EGF: variants seen among roughly 807,000 people sequenced by gnomAD.
EGF encodes epidermal growth factor.
In EGF, 95 loss-of-function variants were observed where a neutral mutation model predicts 143.8. The observed-to-expected ratio is 0.66, with a 90% CI of 0.56 to 0.78. The LOEUF (loss-of-function observed/expected upper bound fraction) is 0.78. EGF is among the 30% of genes least tolerant of loss of function. EGF has a pLI of 0.00. For synonymous variants in EGF, 510 were observed against 510.5 expected (o/e 1.00, Z 0.01); for missense variants, 1,320 against 1,470.9 (o/e 0.90, Z 1.68).
chr4:109,993,470 T>C, intron 19 of EGF, 101 bp downstream of exon 19: 1 of 1,540,802 alleles, frequency 6.5e-7, no homozygotes, highest in Non-Finnish European at 8.9e-7. Flanking sequence ...AATCATTCAG[T>C]TCAGGCAGGC....
At chr4:109,998,842 A>C (rs1180411829) in intron 20 of EGF, among the ~76,000 whole-genome samples, 3 of 152,252 alleles carry the variant, frequency 2.0e-5, no homozygotes, top group Non-Finnish European at 4.4e-5. Context: ...AATTTTTAAT[A>C]AGTGGGCATT....
rs1169903663 is a variant in EGF, at chr4:109,988,714, G to C, written c.2734+5G>C. ...GAGATGGGATTCACTGTCTTGGTAA[G>C]AGGACACATGTGCTGGGGAGGAGGG... is the stretch of plus-strand genomic sequence containing the variant. On this transcript the variant is annotated splice_donor_5th_base_variant and intron_variant, in intron 18 of 23. Coordinates refer to ENST00000265171, the MANE Select transcript of EGF (RefSeq NM_001963.6). 1.2e-6 allele frequency: 2 copies of C among 1,613,850 alleles called. No individual in the cohort carries two copies. The highest frequency in any genetic ancestry group is 1.7e-6 in the Non-Finnish European group (2 of 1,179,824).
At chr4:109,950,592 G>A (rs1423474450) in intron 5 of EGF, among the ~76,000 whole-genome samples, 1 of 152,112 alleles carries the variant, frequency 6.6e-6, no homozygotes, top group African/African-American at 2.4e-5. Context: ...GGCTCACCAA[G>A]GCTTCTGCTC....
rs4698756 is a variant in EGF, at chr4:109,945,286, G to T, written c.940+11G>T. 1 of 1,611,026 alleles carries T rather than the reference G, an allele frequency of 6.2e-7. No individual in the cohort carries two copies. The highest frequency in any genetic ancestry group is 8.5e-7 in the Non-Finnish European group (1 of 1,178,266). ...ACACTTGGGAGCCTGGTGAGTCATC[G>T]TTGACCTTGCGCAGGGCCTGACACA... On this transcript the variant is annotated intron_variant, in intron 5 of 23. Coordinates refer to ENST00000265171, the MANE Select transcript of EGF (RefSeq NM_001963.6).
At chr4:109,994,465 A>C (rs1325933127) in intron 19 of EGF, among the ~76,000 whole-genome samples, 5 of 152,216 alleles carry the variant, frequency 3.3e-5, no homozygotes, top group Non-Finnish European at 7.4e-5. Context: ...CTCTGAATTC[A>C]CATGGCGACT....
At chr4:109,969,257 T>G (rs1052781722) in intron 11 of EGF, 138 bp downstream of exon 11, 2 of 1,111,436 alleles carry the variant, frequency 1.8e-6, no homozygotes, top group East Asian at 2.5e-5. Context: ...GAGGCCACCA[T>G]TGCGGTCCAC....
At chr4:109,979,393 G>GTGAC (rs2126113077) in intron 13 of EGF, among the ~76,000 whole-genome samples, 1 of 152,128 alleles carries the variant, frequency 6.6e-6, no homozygotes, top group African/African-American at 2.4e-5. Flanking sequence ...GGCAGGAAGG[G>GTGAC]TGACATCAGG....
intron 6 of EGF, 94 bp from the exon 7 acceptor site, chr4:109,960,773 T>C: frequency 3.7e-6 from 5 of 1,338,586 alleles, no homozygotes; most frequent in Non-Finnish European, 5.3e-6. Context: ...TATACAAGTG[T>C]GAGATACCCT....
intron 1 of EGF, among the ~76,000 whole-genome samples, chr4:109,927,805 CCGTG>C (rs1461980756): frequency 7.4e-5 from 6 of 80,652 alleles, no homozygotes; most frequent in Admixed American, 2.6e-4. Context: ...CTGAATTTTG[CCGTG>C]TGTGTGTGTG....
At chr4:109,935,578 T>A (rs1315547144) in intron 1 of EGF, among the ~76,000 whole-genome samples, 1 of 152,180 alleles carries the variant, frequency 6.6e-6, no homozygotes, top group Non-Finnish European at 1.5e-5. Flanking sequence ...TGGCCAGAAC[T>A]TCCAATACTA....
chr4:109,954,804 T>A (rs1185912770), intron 5 of EGF, among the ~76,000 whole-genome samples: 1 of 152,092 alleles, frequency 6.6e-6, no homozygotes, highest in Non-Finnish European at 1.5e-5. Flanking sequence ...GGGCTTGGAA[T>A]AGCATCCCAG....
chr4:109,997,984 CAGA>C (rs1218804489), intron 20 of EGF, among the ~76,000 whole-genome samples: 4 of 152,204 alleles, frequency 2.6e-5, no homozygotes, highest in African/African-American at 9.6e-5. Flanking sequence ...TTTGGTTTAA[CAGA>C]AGAACTAATT....
At chr4:109,981,730 G>T (rs1287958968) in intron 15 of EGF, among the ~76,000 whole-genome samples, 3 of 152,130 alleles carry the variant, frequency 2.0e-5, no homozygotes, top group African/African-American at 7.2e-5. Flanking sequence ...ATGAAAAAAA[G>T]AGGCTAGTTT....
At chr4:109,985,393 A>G (rs1749982004) in intron 16 of EGF, among the ~76,000 whole-genome samples, 1 of 152,208 alleles carries the variant, frequency 6.6e-6, no homozygotes, top group Non-Finnish European at 1.5e-5. Flanking sequence ...AGGATTTTAG[A>G]GTATAATCTA....
intron 21 of EGF, among the ~76,000 whole-genome samples, chr4:110,003,169 G>A (rs1400756675): frequency 2.0e-5 from 3 of 151,976 alleles, no homozygotes; most frequent in Non-Finnish European, 2.9e-5. Context: ...TATTCCTCTG[G>A]GTATATACCC....
intron 20 of EGF, among the ~76,000 whole-genome samples, chr4:109,998,826 G>C (rs919900510): frequency 9.9e-5 from 15 of 152,240 alleles, no homozygotes; most frequent in African/African-American, 3.4e-4. Context: ...AGGGACCAAA[G>C]GGAGGAATTT....
chr4:109,973,252 C>T (rs1232783724), intron 11 of EGF, among the ~76,000 whole-genome samples: 1 of 152,088 alleles, frequency 6.6e-6, no homozygotes, highest in Admixed American at 6.5e-5. Context: ...ATCTCCTCAC[C>T]GTCATCTCCT....
At chr4:110,001,768 T>A in intron 21 of EGF, 1 of 985,444 alleles carries the variant, frequency 1.0e-6, no homozygotes, top group African/African-American at 1.7e-5. Context: ...CCTCAGACTC[T>A]CATACTCCAA....
rs773657367 is a variant in EGF at position 109,964,393 on chromosome 4, G to A, written c.1439-8G>A. Reference sequence around the variant, plus strand: ...TAAATTCAGCCATATTTGAAATTTGGTTAACAGGACCACAACCATTTTTGC... The same window carrying A: ...TAAATTCAGCCATATTTGAAATTTGATTAACAGGACCACAACCATTTTTGC... On this transcript the variant is annotated splice_polypyrimidine_tract_variant and splice_region_variant and intron_variant, in intron 9 of 23. Transcript: ENST00000265171. 4 of 1,613,800 alleles carry A rather than the reference G, an allele frequency of 2.5e-6. No homozygotes were observed. The highest frequency in any genetic ancestry group is 3.4e-6 in the Non-Finnish European group (4 of 1,179,768).
Sources: gnomAD v4.1 joint callset for allele counts (sites outside exome capture counted in the v4.1 genomes callset) on GRCh38, gnomAD v4.1.1 for gene constraint, MANE v1.5 for transcripts, NCBI Gene and HGNC (gene_info 2026-07-23, HGNC 2026-07-21) for gene names.